The following KHDC1 variants were observed in gnomAD, a reference collection of about 807,000 sequenced individuals.
KHDC1 encodes the protein KH homology domain-containing protein 1.
In KHDC1, 21 loss-of-function variants were observed where a neutral mutation model predicts 24.7. The ratio of observed to expected loss-of-function variants is 0.85; its 90% CI spans 0.60 to 1.23. The LOEUF is 1.23. KHDC1 is among the 50% of genes most tolerant of loss of function. KHDC1 has a pLI of 0.00. For missense variants in KHDC1, 274 were observed against 298.5 expected, an observed-to-expected ratio of 0.92 and a Z score of 0.61; for synonymous variants, 98 against 111.7, an observed-to-expected ratio of 0.88 and a Z score of 0.77.
At chr6:73,284,805 T>C (rs1313779441) in intron 2 of KHDC1, 1 of 152,152 alleles carries the variant, frequency 6.6e-6, no homozygotes, top group African/African-American at 2.4e-5. Flanking sequence ...TCTTTGAATC[T>C]TGAAAAGATT....
At chr6:73,281,988 T>A (rs1319775346) in intron 2 of KHDC1, among the ~76,000 whole-genome samples, 1 of 151,576 alleles carries the variant, frequency 6.6e-6, no homozygotes, top group Admixed American at 6.6e-5. Flanking sequence ...GAGGCCAAGG[T>A]GGGTGGATCA....
chr6:73,284,175 A>G (rs147425150), intron 2 of KHDC1, among the ~76,000 whole-genome samples: 30 of 152,300 alleles, frequency 2.0e-4, no homozygotes, highest in Non-Finnish European at 3.5e-4. Context: ...TATTAGGATT[A>G]TGAGAGGGCC....
intron 2 of KHDC1, among the ~76,000 whole-genome samples, chr6:73,282,091 G>A (rs1767424598): frequency 1.3e-5 from 2 of 151,058 alleles, no homozygotes; most frequent in Non-Finnish European, 3.0e-5. Context: ...GGTGGCATGC[G>A]CCTGTAGTCC....
At chr6:73,253,995 C>T (rs1335392456) in intron 2 of KHDC1, among the ~76,000 whole-genome samples, 4 of 152,082 alleles carry the variant, frequency 2.6e-5, no homozygotes, top group Non-Finnish European at 5.9e-5. Flanking sequence ...TAAAAATTCA[C>T]TTGAACTATA....
intron 2 of KHDC1, among the ~76,000 whole-genome samples, chr6:73,261,530 G>A (rs1354516886): frequency 6.6e-6 from 1 of 152,096 alleles, no homozygotes; most frequent in Non-Finnish European, 1.5e-5. Context: ...AACACTTTGG[G>A]AGGTCGAGGC....
chr6:73,265,503 T>C (rs186004445), intron 2 of KHDC1, among the ~76,000 whole-genome samples: 1 of 123,720 alleles, frequency 8.1e-6, no homozygotes, highest in African/African-American at 3.2e-5. Context: ...CACTCTGGCC[T>C]GGGCAACTGA....
At chr6:73,264,347 C>A (rs1312256606) in intron 2 of KHDC1, among the ~76,000 whole-genome samples, 1 of 152,176 alleles carries the variant, frequency 6.6e-6, no homozygotes, top group Non-Finnish European at 1.5e-5. Flanking sequence ...AATAAAAGTT[C>A]TAACTTTGAG....
At chr6:73,251,420 T>C (rs1473989595) in intron 2 of KHDC1, among the ~76,000 whole-genome samples, 1 of 152,114 alleles carries the variant, frequency 6.6e-6, no homozygotes, top group Non-Finnish European at 1.5e-5. Flanking sequence ...GTCAAAAAAT[T>C]ATTCTCAAGG....
chr6:73,309,649 T>G (rs1416027685), exon 1 of KHDC1: 2 of 1,550,074 alleles, frequency 1.3e-6, no homozygotes, highest in South Asian at 1.2e-5. Context: ...AGATCAGGAC[T>G]CCGTATTCTG....
chr6:73,252,535 T>C (rs1025639359), intron 2 of KHDC1, among the ~76,000 whole-genome samples: 36 of 151,994 alleles, frequency 2.4e-4, no homozygotes, highest in African/African-American at 8.0e-4. Context: ...TCAGGCTGGG[T>C]TCAATGGCTC....
rs774006126 is a variant in KHDC1 at position 73,242,080 on chromosome 6, G to A, written c.489C>T (p.Ser163=). 2.5e-6 allele frequency: 4 copies of A among 1,613,554 alleles called. No individual in the cohort carries two copies. The East Asian group carries it at 8.9e-5, about 36-fold the overall frequency. Reference sequence around the variant, plus strand: ...CTCGAGCATGATGATAGGAGTCCTGGCTCCCCACACAACAAAACATGTGCA... The same window carrying A: ...CTCGAGCATGATGATAGGAGTCCTGACTCCCCACACAACAAAACATGTGCA... Residue 163 remains serine (S), a synonymous_variant, in exon 4 of 5, where the codon AGC becomes AGT. Coordinates refer to ENST00000370384, the Ensembl canonical transcript of KHDC1.
In KHDC1 at chr6:73,242,452, T is replaced by A. The variant is rs367586490; in HGVS notation, c.285A>T (p.Ala95=). The A allele has an allele frequency of 8.6e-5, 139 of 1,614,196 alleles. No homozygotes were observed. In the African/African-American group the frequency reaches 1.6e-3, roughly 18 times the overall value. Residue 95 remains alanine, a synonymous_variant, in exon 3 of 5, where the codon GCA becomes GCT. Transcript: ENST00000370384. ...CCTCTTCCATGTGAAACACCATTGG[T>A]GCATGAAAGTTTTGAGGCAGGGTCC... is the stretch of plus-strand genomic sequence containing the variant.
chr6:73,309,884 A>C, exon 1 of KHDC1: 1 of 697,916 alleles, frequency 1.4e-6, no homozygotes, highest in South Asian at 1.9e-5. Context: ...AGACTGGACC[A>C]ATGCACAGTC....
At chr6:73,276,902 G>A (rs1283346250) in intron 2 of KHDC1, among the ~76,000 whole-genome samples, 1 of 152,104 alleles carries the variant, frequency 6.6e-6, no homozygotes, top group Non-Finnish European at 1.5e-5. Context: ...CTAGCAATTG[G>A]TATCGATTGA....
At chr6:73,262,618 G>A (rs935851375) in intron 2 of KHDC1, among the ~76,000 whole-genome samples, 156 bp downstream of exon 1, 3 of 147,056 alleles carry the variant, frequency 2.0e-5, no homozygotes, top group Admixed American at 2.0e-4. Context: ...ATTAACAATA[G>A]AGGAAAGTCA....
At chr6:73,295,702 T>G (rs976604874) in intron 1 of KHDC1, among the ~76,000 whole-genome samples, 1 of 149,502 alleles carries the variant, frequency 6.7e-6, no homozygotes, top group South Asian at 2.1e-4. Flanking sequence ...AAAAATTAGC[T>G]GGGCCTGGTG....
At chr6:73,286,229 G>A (rs1342736860) in intron 2 of KHDC1, among the ~76,000 whole-genome samples, 1 of 152,058 alleles carries the variant, frequency 6.6e-6, no homozygotes, top group African/African-American at 2.4e-5. Flanking sequence ...TTTGTGTGGG[G>A]TTTTTTTAAG....
chr6:73,261,272 G>A (rs934876067), intron 2 of KHDC1, among the ~76,000 whole-genome samples: 11 of 151,928 alleles, frequency 7.2e-5, no homozygotes, highest in East Asian at 3.9e-4. Context: ...GTGAAACCCC[G>A]TCTTTACTAA....
At chr6:73,279,794 A>C in intron 2 of KHDC1, among the ~76,000 whole-genome samples, 1 of 151,978 alleles carries the variant, frequency 6.6e-6, no homozygotes, top group East Asian at 1.9e-4. Context: ...TGCCAGGCTG[A>C]TCAACTCCTG....
Sources: allele counts gnomAD v4.1 joint callset (sites outside exome capture counted in the v4.1 genomes callset), GRCh38; gene constraint gnomAD v4.1.1; transcripts MANE v1.5; gene names NCBI Gene and HGNC (gene_info 2026-07-23, HGNC 2026-07-21).